ELF2: variants seen among roughly 807,000 people sequenced by gnomAD.
ELF2 encodes E74 like ETS transcription factor 2.
ELF2 carries 11 observed loss-of-function variants against 54.8 expected under a neutral mutation model. That is an observed-to-expected ratio of 0.20 (90% CI 0.13 to 0.33). ELF2 has a LOEUF of 0.33. ELF2 is among the 10% of genes least tolerant of loss of function. The probability of loss-of-function intolerance (pLI) is 1.00; values close to 1 mark genes in which losing one functional copy is unlikely to be tolerated. For synonymous variants in ELF2, 203 were observed against 245.1 expected (o/e 0.83, Z 1.61); for missense variants, 513 against 703.0 (o/e 0.73, Z 3.06).
intron 4 of ELF2, among the ~76,000 whole-genome samples, chr4:139,100,827 ATCAC>A (rs921986489): frequency 6.6e-6 from 1 of 152,250 alleles, no homozygotes; most frequent in African/African-American, 2.4e-5. Context: ...TATATTTTAA[ATCAC>A]TTTGGCTACT....
At chr4:139,091,249 A>G (rs1010317607) in intron 4 of ELF2, among the ~76,000 whole-genome samples, 2 of 152,346 alleles carry the variant, frequency 1.3e-5, no homozygotes, top group African/African-American at 4.8e-5. Context: ...TATATGTTAA[A>G]GAACCCTTGG....
intron 1 of ELF2, among the ~76,000 whole-genome samples, chr4:139,165,596 G>A (rs1286160309): frequency 6.6e-6 from 1 of 152,198 alleles, no homozygotes; most frequent in Non-Finnish European, 1.5e-5. Context: ...CCCAGAGGCA[G>A]AGGTTACAGT....
At position 139,104,676 on chromosome 4, in the gene ELF2, G is replaced by A. The variant is rs184714306; in HGVS notation, c.238+20488C>T. ...TGTTCCCTGATTTTTCCATCAATGA[G>A]GACAGGAAAATCTTTCTGATTTTTT... On this transcript the variant is annotated intron_variant, in intron 4 of 9. Coordinates refer to ENST00000686138, the MANE Select transcript of ELF2 (RefSeq NM_001331036.3). Among the ~76,000 whole-genome samples the A allele has an allele frequency of 4.1e-3, 619 of 152,110 alleles. 4 individuals carry two copies. Among genetic ancestry groups the A allele is most frequent in the Middle Eastern group, 0.014 (4 of 292 alleles).
intron 4 of ELF2, among the ~76,000 whole-genome samples, chr4:139,111,960 T>C (rs1734991034): frequency 6.6e-6 from 1 of 152,200 alleles, no homozygotes; most frequent in African/African-American, 2.4e-5. Flanking sequence ...TCCTATTCCT[T>C]TTTTCATTTA....
At position 139,143,951 on chromosome 4, in the gene ELF2, T is replaced by TA. The variant is rs1406399346; in HGVS notation, c.-251-4455dup. 3.3e-5 allele frequency among the ~76,000 whole-genome samples: 5 copies of TA among 149,864 alleles called. No individual in the cohort carries two copies. In the South Asian group the frequency reaches 8.4e-4, roughly 25 times the overall value. ...AGCCTACAAAAATTTAAATTTTAAT[T>TA]AAAAAAAAAATTCCCACCCTCCTCA... On this transcript the variant is annotated intron_variant, in intron 1 of 9. Coordinates refer to ENST00000686138, the MANE Select transcript of ELF2 (RefSeq NM_001331036.3).
intron 4 of ELF2, chr4:139,102,486 G>A (rs1733991097): frequency 6.6e-6 from 1 of 151,378 alleles, no homozygotes; most frequent in Admixed American, 6.6e-5. Context: ...GTTGCAGTGA[G>A]CGGAGATAGC....
chr4:139,144,000 T>G (rs929860774), intron 1 of ELF2, among the ~76,000 whole-genome samples: 1 of 151,918 alleles, frequency 6.6e-6, no homozygotes, highest in Non-Finnish European at 1.5e-5. Context: ...GAGGTAGTAT[T>G]GGCATGCCTC....
chr4:139,073,257 TC>T (rs372043249), intron 5 of ELF2, among the ~76,000 whole-genome samples, 196 bp downstream of exon 5: 29 of 152,334 alleles, frequency 1.9e-4, no homozygotes, highest in African/African-American at 6.3e-4. Context: ...ATTTTCTGTA[TC>T]ATTTGTTATG....
chr4:139,125,486 C>G (rs879796627), intron 3 of ELF2, among the ~76,000 whole-genome samples, 157 bp from the exon 4 acceptor site: 5 of 152,036 alleles, frequency 3.3e-5, no homozygotes, highest in Non-Finnish European at 7.4e-5. Context: ...ATGAAAAGGG[C>G]TAACTTTAAT....
At chr4:139,164,185 G>C (rs778314637) in intron 1 of ELF2, among the ~76,000 whole-genome samples, 14 of 140,684 alleles carry the variant, frequency 1.0e-4, no homozygotes, top group Admixed American at 3.6e-4. Flanking sequence ...AGAAAGAGAG[G>C]GAGATGAAAA....
chr4:139,161,800 G>A (rs780271451), intron 1 of ELF2, among the ~76,000 whole-genome samples: 4 of 151,472 alleles, frequency 2.6e-5, no homozygotes, highest in Admixed American at 2.0e-4. Context: ...GAGAAACCCC[G>A]TCTCTACTAA....
intron 3 of ELF2, among the ~76,000 whole-genome samples, chr4:139,133,602 A>G (rs1310034444): frequency 6.6e-6 from 1 of 151,848 alleles, no homozygotes; most frequent in African/African-American, 2.4e-5. Context: ...ACTGTATAGA[A>G]GTCTTTTATA....
intron 3 of ELF2, among the ~76,000 whole-genome samples, chr4:139,135,487 T>C (rs907166395): frequency 6.6e-6 from 1 of 152,136 alleles, no homozygotes; most frequent in Admixed American, 6.5e-5. Flanking sequence ...GTCACCACTT[T>C]GGTGAAGCCT....
chr4:139,145,608 T>C (rs1739151826), intron 1 of ELF2, among the ~76,000 whole-genome samples: 1 of 152,168 alleles, frequency 6.6e-6, no homozygotes, highest in South Asian at 2.1e-4. Flanking sequence ...TACAGACCAA[T>C]ATCCCTGATG....
At chr4:139,067,886 A>C in intron 6 of ELF2, 116 bp from the exon 7 acceptor site, 2 of 968,208 alleles carry the variant, frequency 2.1e-6, no homozygotes, top group Non-Finnish European at 3.0e-6. Flanking sequence ...TTTGTAGATG[A>C]ATATACTCTA....
In ELF2 at chr4:139,139,419, T is replaced by C; in HGVS notation, c.-173A>G. ...AGAAATAAATTTTACTTACAGTTTG[T>C]ATGTTAAGTAGTCTAAGCATCCTTC... is the stretch of plus-strand genomic sequence containing the variant. On this transcript the variant is annotated 5_prime_UTR_variant, in exon 2 of 10. The change creates a new upstream start codon in the 5' untranslated region. Coordinates refer to ENST00000686138, the MANE Select transcript of ELF2 (RefSeq NM_001331036.3). The C allele has an allele frequency of 5.7e-6, 7 of 1,226,400 alleles. No individual in the cohort carries two copies. Among genetic ancestry groups the C allele is most frequent in the Non-Finnish European group, 7.1e-6 (7 of 983,732 alleles). The allele number at this position is 1,226,400 out of a possible 1,614,324, so 76.0% of individuals were successfully genotyped here.
chr4:139,135,237 ATGTGTGTGTGTG>A (rs61122327), intron 3 of ELF2, among the ~76,000 whole-genome samples: 283 of 112,480 alleles, frequency 2.5e-3, no homozygotes, highest in Middle Eastern at 0.011. Flanking sequence ...TACTATATAT[ATGTGTGTGTGTG>A]TGTGTGTGTG....
rs1191704225 is a variant in ELF2 at position 139,121,132 on chromosome 4, G to A, written c.238+4032C>T. Among the ~76,000 whole-genome samples, 19 of 112,082 alleles carry A rather than the reference G, an allele frequency of 1.7e-4. No individual in the cohort carries two copies. The East Asian group carries it at 3.5e-3, about 21-fold the overall frequency. 73.5% of individuals were successfully genotyped at this position (112,082 alleles called of 152,430 possible). On this transcript the variant is annotated intron_variant, in intron 4 of 9. Coordinates refer to ENST00000686138, the MANE Select transcript of ELF2 (RefSeq NM_001331036.3). ...TTTTTTTTTTTTTTTTTTTTGAGAC[G>A]GAGTCTTGCTCTGTCGCCCAGGCTG... is the stretch of plus-strand genomic sequence containing the variant.
At chr4:139,115,038 C>G in intron 4 of ELF2, 1 of 1,613,884 alleles carries the variant, frequency 6.2e-7, no homozygotes, top group South Asian at 1.1e-5. Context: ...GCTCCTTGAC[C>G]GTGGCAGCCC....
Sources: gnomAD v4.1 joint callset for allele counts (sites outside exome capture counted in the v4.1 genomes callset) on GRCh38, gnomAD v4.1.1 for gene constraint, MANE v1.5 for transcripts, NCBI Gene and HGNC (gene_info 2026-07-23, HGNC 2026-07-21) for gene names.